Variants in ARK2C observed in about 807,000 individuals in gnomAD.
ARK2C encodes the protein E3 ubiquitin-protein ligase ARK2C.
the ARK2C span, among the ~76,000 whole-genome samples, chr18:46,376,934 C>T: frequency 7.9e-5 from 12 of 152,138 alleles, no homozygotes; most frequent in Non-Finnish European, 1.3e-4. Flanking sequence ...TCTCAAAGTG[C>T]TGGGATTACA....
chr18:46,366,216 C>T, the ARK2C span, among the ~76,000 whole-genome samples: 3 of 143,988 alleles, frequency 2.1e-5, no homozygotes, highest in South Asian at 2.3e-4. Context: ...CGCTTGAACC[C>T]GGGAGGTGGA....
the ARK2C span, among the ~76,000 whole-genome samples, chr18:46,359,928 G>A: frequency 2.0e-4 from 31 of 152,156 alleles, no homozygotes; most frequent in African/African-American, 7.0e-4. Flanking sequence ...TTAGTCACAG[G>A]ATCACACTTA....
the ARK2C span, among the ~76,000 whole-genome samples, chr18:46,368,371 A>T: frequency 2.0e-5 from 3 of 152,132 alleles, no homozygotes; most frequent in African/African-American, 7.2e-5. Flanking sequence ...TGCTCATATC[A>T]TCACCCTAAA....
chr18:46,387,839 TTTAG>T, the ARK2C span, among the ~76,000 whole-genome samples: 1 of 152,232 alleles, frequency 6.6e-6, no homozygotes, highest in Non-Finnish European at 1.5e-5. Flanking sequence ...TTAGGGGTTA[TTTAG>T]TTACAGGGAC....
the ARK2C span, among the ~76,000 whole-genome samples, chr18:46,383,552 T>TG: frequency 1.0e-5 from 1 of 100,158 alleles, no homozygotes; most frequent in Non-Finnish European, 2.4e-5. Flanking sequence ...TTTTCTCTGT[T>TG]TTTTTTTTTT....
the ARK2C span, among the ~76,000 whole-genome samples, chr18:46,399,142 G>A: frequency 6.6e-6 from 1 of 152,186 alleles, no homozygotes; most frequent in African/African-American, 2.4e-5. Flanking sequence ...TGCCCACGAG[G>A]TTGGCCAAGC....
the ARK2C span, among the ~76,000 whole-genome samples, chr18:46,372,337 C>T: frequency 2.0e-5 from 3 of 152,188 alleles, no homozygotes; most frequent in African/African-American, 2.4e-5. Flanking sequence ...CAAGTCACTT[C>T]GCTCTTCCTG....
chr18:46,360,197 G>A, the ARK2C span, among the ~76,000 whole-genome samples: 2 of 142,342 alleles, frequency 1.4e-5, no homozygotes, highest in East Asian at 1.9e-4. Context: ...GTTCATTCAA[G>A]GGCTTCCTCC....
chr18:46,462,135 C>T, the ARK2C span: 1 of 152,454 alleles, frequency 6.6e-6, no homozygotes, highest in South Asian at 2.1e-4. Flanking sequence ...TTCGGAGGAC[C>T]GGGAGTGGGC....
At chr18:46,387,781 C>A in the ARK2C span, among the ~76,000 whole-genome samples, 3 of 152,242 alleles carry the variant, frequency 2.0e-5, no homozygotes, top group Non-Finnish European at 4.4e-5. Context: ...AGGGTCAGCT[C>A]AGGGATCTGT....
the ARK2C span, chr18:46,458,162 G>C: frequency 1.3e-5 from 2 of 152,508 alleles, no homozygotes; most frequent in African/African-American, 4.8e-5. Flanking sequence ...AGAACCTTGT[G>C]GGGTGTCGGG....
the ARK2C span, among the ~76,000 whole-genome samples, chr18:46,360,273 T>G: frequency 6.6e-6 from 1 of 152,222 alleles, no homozygotes; most frequent in East Asian, 1.9e-4. Context: ...TCACTCCTGC[T>G]GCTGGGCACA....
chr18:46,420,383 C>G, the ARK2C span, among the ~76,000 whole-genome samples: 1 of 152,164 alleles, frequency 6.6e-6, no homozygotes, highest in African/African-American at 2.4e-5. Context: ...TACTCTCTGT[C>G]CTGTCCACCG....
the ARK2C span, among the ~76,000 whole-genome samples, chr18:46,381,377 TC>T: frequency 6.6e-6 from 1 of 152,218 alleles, no homozygotes; most frequent in South Asian, 2.1e-4. Flanking sequence ...TCTCCCCGCT[TC>T]CTGGGCCTCA....
the ARK2C span, among the ~76,000 whole-genome samples, chr18:46,338,305 G>A: frequency 2.0e-5 from 3 of 152,202 alleles, no homozygotes; most frequent in South Asian, 6.2e-4. Context: ...TCCTGGATAA[G>A]GAAGATGTTT....
chr18:46,383,350 G>A, the ARK2C span, among the ~76,000 whole-genome samples: 1 of 152,180 alleles, frequency 6.6e-6, no homozygotes, highest in African/African-American at 2.4e-5. Flanking sequence ...CCAGCAGGAT[G>A]ATGCACCTGG....
the ARK2C span, among the ~76,000 whole-genome samples, chr18:46,415,990 GC>G: frequency 6.6e-6 from 1 of 152,162 alleles, no homozygotes; most frequent in Non-Finnish European, 1.5e-5. Flanking sequence ...GCACCAGCTG[GC>G]CACTCAGGGC....
the ARK2C span, among the ~76,000 whole-genome samples, chr18:46,360,620 C>T: frequency 2.0e-5 from 3 of 152,180 alleles, no homozygotes; most frequent in Admixed American, 6.5e-5. Context: ...CAGCCCCAGG[C>T]GAAAGACCCC....
chr18:46,411,401 C>A, the ARK2C span, among the ~76,000 whole-genome samples: 3 of 152,180 alleles, frequency 2.0e-5, no homozygotes, highest in East Asian at 5.8e-4. Flanking sequence ...CTGAATAGGA[C>A]GTATGCTCTG....
Sources: gnomAD v4.1 joint callset for allele counts (sites outside exome capture counted in the v4.1 genomes callset) on GRCh38, gnomAD v4.1.1 for gene constraint, MANE v1.5 for transcripts, NCBI Gene and HGNC (gene_info 2026-07-23, HGNC 2026-07-21) for gene names.